Variants in PHACTR1 observed in about 807,000 individuals in gnomAD.
PHACTR1 encodes RPEL repeat containing 1.
PHACTR1 carries 16 observed loss-of-function variants against 69.2 expected under a neutral mutation model. That is an observed-to-expected ratio of 0.23 (90% CI 0.16 to 0.35). The LOEUF is 0.35. Ranked by LOEUF, PHACTR1 falls within the 10% of genes least tolerant of loss-of-function variation. The probability of loss-of-function intolerance (pLI) is 1.00; values close to 1 mark genes in which losing one functional copy is unlikely to be tolerated. For missense variants in PHACTR1, 510 were observed against 734.7 expected, an observed-to-expected ratio of 0.69 and a Z score of 3.54; for synonymous variants, 312 against 284.5, an observed-to-expected ratio of 1.10 and a Z score of -0.97.
intron 5 of PHACTR1, among the ~76,000 whole-genome samples, chr6:13,157,760 C>A (rs771751689): frequency 6.6e-6 from 1 of 152,170 alleles, no homozygotes; most frequent in Non-Finnish European, 1.5e-5. Context: ...TCTTTATATT[C>A]GGATGGCTTT....
chr6:13,194,000 T>C (rs1286813650), intron 7 of PHACTR1, among the ~76,000 whole-genome samples: 1 of 152,122 alleles, frequency 6.6e-6, no homozygotes, highest in Non-Finnish European at 1.5e-5. Flanking sequence ...ATAAACAATA[T>C]GATGTGTTTT....
intron 10 of PHACTR1, among the ~76,000 whole-genome samples, chr6:13,237,953 G>A (rs603394): frequency 0.14 from 20,581 of 152,230 alleles, 2,003 homozygotes; most frequent in African/African-American, 0.25. Context: ...TATGCAGTCC[G>A]TTACCCAAAG....
rs1485079336 is a variant in PHACTR1, at chr6:12,887,278, G to GA, written c.250+137489dup. On this transcript the variant is annotated intron_variant, in intron 4 of 14. Coordinates refer to ENST00000332995, the MANE Select transcript of PHACTR1 (RefSeq NM_030948.6). ...CATGCACCAAAAGGAAGAATGGAGG[G>GA]ACTTTCATGCTAAAATGCCAGGCAC... 2.0e-5 allele frequency among the ~76,000 whole-genome samples: 3 copies of GA among 152,180 alleles called. No individual in the cohort carries two copies. The East Asian group carries it at 5.8e-4, about 29-fold the overall frequency.
intron 4 of PHACTR1, among the ~76,000 whole-genome samples, chr6:12,822,571 C>T (rs932628596): frequency 6.6e-5 from 10 of 152,172 alleles, no homozygotes; most frequent in East Asian, 3.9e-4. Flanking sequence ...ATATGTTCCT[C>T]GCCCCAGGCC....
intron 4 of PHACTR1, among the ~76,000 whole-genome samples, chr6:13,028,082 A>G (rs1801953893): frequency 6.6e-6 from 1 of 152,228 alleles, no homozygotes; most frequent in Non-Finnish European, 1.5e-5. Flanking sequence ...AATCTCTAAG[A>G]ACAGGGTATA....
chr6:13,270,669 A>G (rs1279590471), intron 10 of PHACTR1, among the ~76,000 whole-genome samples: 2 of 152,242 alleles, frequency 1.3e-5, no homozygotes, highest in African/African-American at 2.4e-5. Flanking sequence ...ATACTCTTAA[A>G]AACACTTTGG....
At chr6:12,785,757 T>C (rs1239236484) in intron 4 of PHACTR1, among the ~76,000 whole-genome samples, 1 of 152,252 alleles carries the variant, frequency 6.6e-6, no homozygotes, top group African/African-American at 2.4e-5. Context: ...TTTGCTAATA[T>C]GGCTTATTCA....
chr6:12,890,989 T>A (rs1386100497), intron 4 of PHACTR1, among the ~76,000 whole-genome samples: 6 of 152,198 alleles, frequency 3.9e-5, no homozygotes, highest in Non-Finnish European at 4.4e-5. Context: ...TAATGCTCAA[T>A]AATCATTCCT....
At chr6:12,797,818 G>C (rs1017041469) in intron 4 of PHACTR1, among the ~76,000 whole-genome samples, 2 of 152,076 alleles carry the variant, frequency 1.3e-5, no homozygotes, top group African/African-American at 4.8e-5. Flanking sequence ...TTCTTCCTTG[G>C]ATGATCACAG....
At chr6:13,158,413 G>A (rs190813445) in intron 5 of PHACTR1, among the ~76,000 whole-genome samples, 41 of 152,172 alleles carry the variant, frequency 2.7e-4, no homozygotes, top group South Asian at 1.2e-3. Context: ...CCCTCCTGCC[G>A]TCACTTCTGT....
intron 4 of PHACTR1, among the ~76,000 whole-genome samples, chr6:12,948,676 G>A (rs372741454): frequency 2.5e-4 from 38 of 152,226 alleles, no homozygotes; most frequent in African/African-American, 8.4e-4. Flanking sequence ...CCTAAGCTTT[G>A]AACCCCATGT....
chr6:12,751,548 T>C (rs898086071), intron 4 of PHACTR1, among the ~76,000 whole-genome samples: 3 of 152,244 alleles, frequency 2.0e-5, no homozygotes, highest in Non-Finnish European at 4.4e-5. Flanking sequence ...CTTCTACTAG[T>C]ACTTTTATCA....
chr6:13,173,355 C>T (rs890807206), intron 6 of PHACTR1, among the ~76,000 whole-genome samples: 1 of 152,102 alleles, frequency 6.6e-6, no homozygotes, highest in Non-Finnish European at 1.5e-5. Flanking sequence ...AGTAAATAGG[C>T]AACATTTAAT....
chr6:13,013,549 CTCTCAGTAGCTGGT>C (rs1233317596), intron 4 of PHACTR1, among the ~76,000 whole-genome samples: 5 of 152,218 alleles, frequency 3.3e-5, no homozygotes, highest in Non-Finnish European at 5.9e-5. Context: ...ACCCAGCAGG[CTCTCAGTAGCTGGT>C]GCTGAGATTT....
At chr6:12,889,231 A>G (rs983682584) in intron 4 of PHACTR1, among the ~76,000 whole-genome samples, 18 of 152,222 alleles carry the variant, frequency 1.2e-4, no homozygotes, top group African/African-American at 4.3e-4. Context: ...TGTTTATGCC[A>G]CTGCACTCCA....
chr6:13,182,198 A>C (rs986770439), intron 6 of PHACTR1, among the ~76,000 whole-genome samples: 2 of 152,160 alleles, frequency 1.3e-5, no homozygotes, highest in African/African-American at 4.8e-5. Context: ...ATGCCATTGC[A>C]CTCCAGCCTG....
intron 3 of PHACTR1, among the ~76,000 whole-genome samples, chr6:12,723,844 CCACA>C (rs1762446915): frequency 6.6e-6 from 1 of 152,140 alleles, no homozygotes; most frequent in African/African-American, 2.4e-5. Flanking sequence ...GGGATAAGCC[CCACA>C]CACGGTAATC....
chr6:12,964,582 G>A (rs1793194678), intron 4 of PHACTR1, among the ~76,000 whole-genome samples: 1 of 152,136 alleles, frequency 6.6e-6, no homozygotes, highest in African/African-American at 2.4e-5. Context: ...AGAGGGTAGA[G>A]AGAAAGGGAC....
At chr6:12,783,756 A>G (rs1166957832) in intron 4 of PHACTR1, among the ~76,000 whole-genome samples, 4 of 152,230 alleles carry the variant, frequency 2.6e-5, no homozygotes, top group Non-Finnish European at 5.9e-5. Context: ...AAGTGCAAGT[A>G]ACTAGACATA....
Sources: gnomAD v4.1 joint callset for allele counts (sites outside exome capture counted in the v4.1 genomes callset) on GRCh38, gnomAD v4.1.1 for gene constraint, MANE v1.5 for transcripts, NCBI Gene and HGNC (gene_info 2026-07-23, HGNC 2026-07-21) for gene names.